The following TMLHE variants were observed in gnomAD, a reference collection of about 807,000 sequenced individuals.
The protein encoded by TMLHE is trimethyllysine dioxygenase, mitochondrial.
TMLHE carries 18 observed loss-of-function variants against 25.7 expected under a neutral mutation model. The ratio of observed to expected loss-of-function variants is 0.70; its 90% CI spans 0.48 to 1.04. The LOEUF is 1.04. TMLHE is among the 50% of genes least tolerant of loss of function. The pLI, the probability that TMLHE is intolerant of heterozygous loss-of-function variation, is 0.00. For missense variants in TMLHE, 236 were observed against 259.0 expected (o/e 0.91, Z 0.61); for synonymous variants, 105 against 97.0 (o/e 1.08, Z -0.49).
At chrX:155,582,178 A>G (rs1357532487) in intron 1 of TMLHE, among the ~76,000 whole-genome samples, 1 of 112,316 alleles carries the variant, frequency 8.9e-6, no homozygotes, top group Non-Finnish European at 1.9e-5. Context: ...TTAATTCAAG[A>G]TGGATTAAAG....
chrX:155,577,402 A>T (rs2067597589), intron 1 of TMLHE, among the ~76,000 whole-genome samples: 1 of 109,827 alleles, frequency 9.1e-6, no homozygotes, highest in Admixed American at 9.7e-5. Flanking sequence ...ATATGGTGAA[A>T]CCCCATCTCT....
At chrX:155,521,974 C>T (rs1189811295) in intron 3 of TMLHE, among the ~76,000 whole-genome samples, 2 of 106,994 alleles carry the variant, frequency 1.9e-5, no homozygotes, top group African/African-American at 6.8e-5. Context: ...GCAGAAATCA[C>T]CCGTCTTCTG....
In TMLHE at chrX:155,556,010, C is replaced by T. The variant is rs111835994; in HGVS notation, c.-1-10733G>A. 1.3e-3 allele frequency among the ~76,000 whole-genome samples: 146 copies of T among 110,444 alleles called. 2 individuals carry two copies. Among genetic ancestry groups the T allele is most frequent in the African/African-American group, 4.7e-3 (142 of 30,331 alleles). On this transcript the variant is annotated intron_variant, in intron 1 of 7. Transcript: ENST00000334398. ...AGGGTTTTTATGGTTTTAGGTCTAA[C>T]ATTTAAGTCTTTAATCCATCTTGAA...
At position 155,570,201 on chromosome X, in the gene TMLHE, C is replaced by T. The variant is rs782305734; in HGVS notation, c.-1-24924G>A. Among the ~76,000 whole-genome samples, 503 of 54,731 alleles carry T rather than the reference C, an allele frequency of 9.2e-3. 87 individuals are homozygous for T. The highest frequency in any genetic ancestry group is 0.021 in the African/African-American group (477 of 22,698). 47.5% of individuals were successfully genotyped at this position (54,731 alleles called of 115,157 possible). The stretch of plus-strand genomic sequence containing the variant: ...GTTGCAATCCTAGTCTCTGATAAAA[C>T]AGACTTTAAACCAACAAAGATCAAA... On this transcript the variant is annotated intron_variant, in intron 1 of 7. Transcript: ENST00000334398.
At chrX:155,511,940 AG>A (rs1373909822) in intron 4 of TMLHE, 148 bp from the exon 5 acceptor site, 2 of 529,550 alleles carry the variant, frequency 3.8e-6, no homozygotes. Flanking sequence ...TGAAAATGAC[AG>A]TTGAACATGC....
chrX:155,600,833 GC>G (rs1164039351), intron 1 of TMLHE, among the ~76,000 whole-genome samples: 8 of 111,798 alleles, frequency 7.2e-5, no homozygotes, highest in African/African-American at 2.3e-4. Context: ...TGGAATGTAC[GC>G]CCCAGCCCAC....
At chrX:155,513,910 G>T in intron 4 of TMLHE, 76 bp downstream of exon 4, 1 of 1,045,987 alleles carries the variant, frequency 9.6e-7, no homozygotes, top group Non-Finnish European at 1.3e-6. Flanking sequence ...GACCATACCT[G>T]TTACATTTAT....
intron 1 of TMLHE, among the ~76,000 whole-genome samples, chrX:155,548,125 C>G (rs782088768): frequency 9.0e-6 from 1 of 111,623 alleles, no homozygotes; most frequent in Non-Finnish European, 1.9e-5. Context: ...AATCTAAGAC[C>G]GCAAACTATG....
intron 1 of TMLHE, among the ~76,000 whole-genome samples, chrX:155,557,464 G>T (rs782768979): frequency 8.9e-6 from 1 of 111,955 alleles, no homozygotes; most frequent in East Asian, 2.8e-4. Context: ...GTGGTAATTT[G>T]ATATGCAGCT....
At chrX:155,523,978 T>C (rs1285904539) in intron 3 of TMLHE, among the ~76,000 whole-genome samples, 1 of 112,517 alleles carries the variant, frequency 8.9e-6, no homozygotes, top group Non-Finnish European at 1.9e-5. Context: ...ATATGATTGA[T>C]TTTTGTGTGT....
At chrX:155,548,517 C>CT (rs1393463922) in intron 1 of TMLHE, among the ~76,000 whole-genome samples, 4 of 108,065 alleles carry the variant, frequency 3.7e-5, no homozygotes, top group African/African-American at 1.1e-4. Flanking sequence ...GGGCGGATCA[C>CT]AAGGTCAGCA....
chrX:155,556,556 T>C (rs1328389246), intron 1 of TMLHE, among the ~76,000 whole-genome samples: 1 of 109,185 alleles, frequency 9.2e-6, no homozygotes, highest in Non-Finnish European at 1.9e-5. Context: ...TGACTACGTG[T>C]GGGTGACAGA....
At chrX:155,509,926 A>G (rs1557333169) in intron 5 of TMLHE, among the ~76,000 whole-genome samples, 1 of 111,763 alleles carries the variant, frequency 8.9e-6, no homozygotes, top group Non-Finnish European at 1.9e-5. Flanking sequence ...TATAGTATGT[A>G]TCATCTTTGG....
intron 2 of TMLHE, among the ~76,000 whole-genome samples, chrX:155,536,623 A>G (rs782412611): frequency 8.9e-6 from 1 of 111,829 alleles, no homozygotes; most frequent in Admixed American, 9.5e-5. Context: ...GAAATTAATT[A>G]AAGGACTTTC....
intron 1 of TMLHE, among the ~76,000 whole-genome samples, chrX:155,601,250 T>C (rs916600065): frequency 8.0e-5 from 9 of 111,804 alleles, no homozygotes; most frequent in Admixed American, 6.6e-4. Flanking sequence ...CTTGAATCCA[T>C]AGGAAGAAAT....
chrX:155,589,087 G>C (rs2067680775), intron 1 of TMLHE, among the ~76,000 whole-genome samples: 1 of 112,060 alleles, frequency 8.9e-6, no homozygotes. Flanking sequence ...AAACCTAAGT[G>C]TCTATTGAAG....
intron 1 of TMLHE, among the ~76,000 whole-genome samples, chrX:155,549,486 TG>T (rs1557339680): frequency 9.0e-6 from 1 of 110,993 alleles, no homozygotes; most frequent in Non-Finnish European, 1.9e-5. Flanking sequence ...TATTATTTTA[TG>T]GCTTGTTGCT....
chrX:155,532,668 CGTGTGTGTGTGTGTGTGT>C (rs33944459), intron 2 of TMLHE, among the ~76,000 whole-genome samples: 5 of 86,076 alleles, frequency 5.8e-5, no homozygotes, highest in Non-Finnish European at 1.1e-4. Context: ...ATGCAAAATT[CGTGTGTGTGTGTGTGTGT>C]GTGTGTGTGT....
intron 2 of TMLHE, among the ~76,000 whole-genome samples, chrX:155,529,962 TAGG>T (rs2067240229): frequency 8.9e-6 from 1 of 112,040 alleles, no homozygotes; most frequent in African/African-American, 3.2e-5. Flanking sequence ...TGTTTTCTTC[TAGG>T]AGTTTTATGG....
Sources: allele counts gnomAD v4.1 joint callset (sites outside exome capture counted in the v4.1 genomes callset), GRCh38; gene constraint gnomAD v4.1.1; transcripts MANE v1.5; gene names NCBI Gene and HGNC (gene_info 2026-07-23, HGNC 2026-07-21).